The following TCF12 variants were observed in gnomAD, a reference collection of about 807,000 sequenced individuals.
The protein encoded by TCF12 is DNA-binding protein HTF4.
In TCF12, 45 loss-of-function variants were observed where a neutral mutation model predicts 86.0. The observed-to-expected ratio is 0.52, with a 90% CI of 0.41 to 0.67. The LOEUF (loss-of-function observed/expected upper bound fraction) is 0.67. Among genes scored for constraint, TCF12 ranks in the 30% least tolerant of loss-of-function variants. The probability of loss-of-function intolerance (pLI) is 0.00; values close to 1 mark genes in which losing one functional copy is unlikely to be tolerated. For synonymous variants in TCF12, 330 were observed against 299.6 expected, an observed-to-expected ratio of 1.10 and a Z score of -1.05; for missense variants, 881 against 859.9, an observed-to-expected ratio of 1.02 and a Z score of -0.31.
intron 13 of TCF12, chr15:57,247,987 A>C: frequency 5.5e-6 from 4 of 722,870 alleles, no homozygotes; most frequent in East Asian, 2.6e-5. Flanking sequence ...CTCCCCCACC[A>C]CCCCACCCCC....
At chr15:57,130,592 C>T (rs916498986) in intron 5 of TCF12, among the ~76,000 whole-genome samples, 8 of 152,078 alleles carry the variant, frequency 5.3e-5, no homozygotes, top group East Asian at 1.9e-4. Context: ...AGAAGAGAGC[C>T]GTCAATTTTC....
intron 3 of TCF12, among the ~76,000 whole-genome samples, chr15:57,025,338 C>T (rs1157313802): frequency 6.6e-6 from 1 of 152,154 alleles, no homozygotes; most frequent in East Asian, 1.9e-4. Context: ...CTCAGCCTTG[C>T]AAAAGTGCTG....
chr15:57,233,477 C>G (rs2059252860), intron 11 of TCF12, among the ~76,000 whole-genome samples: 1 of 152,022 alleles, frequency 6.6e-6, no homozygotes, highest in Non-Finnish European at 1.5e-5. Context: ...CACACGTGGC[C>G]TCTTTTTTTA....
chr15:57,248,946 GAACGTAA>G (rs1178797131), intron 13 of TCF12, among the ~76,000 whole-genome samples: 3 of 152,176 alleles, frequency 2.0e-5, no homozygotes, highest in African/African-American at 7.2e-5. Flanking sequence ...TGAGGCATTT[GAACGTAA>G]AACGTGTTAA....
At chr15:57,024,802 T>C (rs1793122267) in intron 3 of TCF12, among the ~76,000 whole-genome samples, 1 of 152,154 alleles carries the variant, frequency 6.6e-6, no homozygotes. Flanking sequence ...AAAAGAACCA[T>C]GCACATTCGT....
intron 3 of TCF12, among the ~76,000 whole-genome samples, chr15:56,998,087 A>G (rs1342802042): frequency 6.6e-6 from 1 of 152,242 alleles, no homozygotes; most frequent in Non-Finnish European, 1.5e-5. Flanking sequence ...AGGGAATTCA[A>G]TAATTATAAT....
In TCF12 at chr15:56,940,498, TC is replaced by T. The variant is rs1472798342; in HGVS notation, c.148+19402del. ...CTTCTTCTCCTCCTCCTCCTCCTCC[TC>T]CTTCTTCTTCTCCTCCTCCTCCTTC... On this transcript the variant is annotated intron_variant, in intron 3 of 20. Coordinates refer to ENST00000333725, the MANE Select transcript of TCF12 (RefSeq NM_207037.2). Among the ~76,000 whole-genome samples the T allele has an allele frequency of 5.4e-3, 542 of 101,282 alleles. 2 individuals are homozygous for T. The highest frequency in any genetic ancestry group is 0.013 in the Middle Eastern group (2 of 160). The allele number at this position is 101,282 out of a possible 152,430, so 66.4% of individuals were successfully genotyped here.
At chr15:57,264,723 C>A (rs1251890823) in intron 18 of TCF12, among the ~76,000 whole-genome samples, 2 of 151,968 alleles carry the variant, frequency 1.3e-5, no homozygotes, top group African/African-American at 4.8e-5. Context: ...GGTAACAAAG[C>A]CTTCTTCTGG....
intron 3 of TCF12, among the ~76,000 whole-genome samples, chr15:56,924,019 T>C (rs1165390834): frequency 6.6e-6 from 1 of 152,118 alleles, no homozygotes; most frequent in African/African-American, 2.4e-5. Flanking sequence ...ACTGATCTTT[T>C]TTTGTGGGGC....
rs1171748702 is a variant in TCF12, at chr15:57,273,102, C to T, written c.1818C>T (p.Asn606=). The part of the protein sequence containing the change: ...IEREKERRMA[N]NARERLRVRD... The stretch of plus-strand genomic sequence containing the variant: ...GGGAGAAGGAGAGGCGGATGGCTAA[C>T]AATGCCAGAGAACGCTTACGCGTGC... The change falls in exon 19 of 21, where the codon AAC becomes AAT. Residue 606 remains asparagine (N), a synonymous_variant. Coordinates refer to ENST00000333725, the MANE Select transcript of TCF12 (RefSeq NM_207037.2). 3.1e-6 allele frequency: 5 copies of T among 1,614,106 alleles called. No individual in the cohort carries two copies. The highest frequency in any genetic ancestry group is 4.2e-6 in the Non-Finnish European group (5 of 1,180,042).
intron 3 of TCF12, among the ~76,000 whole-genome samples, chr15:57,024,216 C>CTTTTTTTTTTTTTTTTTTTTTT (rs59793819): frequency 1.5e-4 from 17 of 111,284 alleles, no homozygotes; most frequent in African/African-American, 5.3e-4. Context: ...AAAAAAGTGT[C>CTTTTTTTTTTTTTTTTTTTTTT]TTTTTTTTTT....
At chr15:57,195,666 T>A (rs1232584145) in intron 7 of TCF12, among the ~76,000 whole-genome samples, 3 of 152,230 alleles carry the variant, frequency 2.0e-5, no homozygotes, top group Non-Finnish European at 2.9e-5. Context: ...CTTTGCAGCC[T>A]CCTGGGATAT....
chr15:57,103,701 G>A (rs2049918717), intron 5 of TCF12, among the ~76,000 whole-genome samples: 1 of 152,012 alleles, frequency 6.6e-6, no homozygotes, highest in African/African-American at 2.4e-5. Context: ...ACCCAATATG[G>A]GACTAATTAA....
intron 5 of TCF12, among the ~76,000 whole-genome samples, chr15:57,148,462 A>C (rs1320484630): frequency 6.6e-6 from 1 of 152,048 alleles, no homozygotes; most frequent in African/African-American, 2.4e-5. Context: ...ATGCTGTGAC[A>C]AAAGAACAAT....
chr15:57,208,389 T>TTTTTTTTTTTG, intron 8 of TCF12, among the ~76,000 whole-genome samples: 1 of 108,132 alleles, frequency 9.2e-6, no homozygotes, highest in African/African-American at 4.0e-5. Flanking sequence ...CCTTTTTTTT[T>TTTTTTTTTTTG]TTTTTTTTTT....
At position 57,259,090 on chromosome 15, in the gene TCF12, TA is replaced by T. The variant is rs539542963; in HGVS notation, c.1468-3003del. On this transcript the variant is annotated intron_variant, in intron 16 of 20. Transcript: ENST00000333725. Reference sequence around the variant, plus strand: ...CTAAATGGGCAATTTTTTAAATTTTTATTTTTATTAAGACGACATTATAGTG... The same window carrying T: ...CTAAATGGGCAATTTTTTAAATTTTTTTTTTATTAAGACGACATTATAGTG... Among the ~76,000 whole-genome samples the T allele has an allele frequency of 5.3e-5, 8 of 152,308 alleles. No homozygotes were observed. In the South Asian group the frequency reaches 1.7e-3, roughly 32 times the overall value.
At chr15:57,198,499 G>A (rs1298153096) in intron 8 of TCF12, among the ~76,000 whole-genome samples, 1 of 152,168 alleles carries the variant, frequency 6.6e-6, no homozygotes, top group Non-Finnish European at 1.5e-5. Context: ...ATCATTAATG[G>A]CCATGATAAT....
Position 57,063,732 on chromosome 15 carries a change from A to C in TCF12, c.149-18A>C. The C allele has an allele frequency of 6.3e-7, 1 of 1,587,902 alleles. No individual in the cohort carries two copies. Among genetic ancestry groups the C allele is most frequent in the African/African-American group, 1.3e-5 (1 of 74,640 alleles). On this transcript the variant is annotated intron_variant, in intron 3 of 20. Coordinates refer to ENST00000333725, the MANE Select transcript of TCF12 (RefSeq NM_207037.2). ...AAGTATGTTTTTAGATATATCTTTTATTTTCTTCTCTTTTTAGGTATTGAT... is the reference window on the plus strand; with the variant it reads ...AAGTATGTTTTTAGATATATCTTTTCTTTTCTTCTCTTTTTAGGTATTGAT...
At chr15:56,949,302 G>A (rs558555840) in intron 3 of TCF12, among the ~76,000 whole-genome samples, 161 of 152,178 alleles carry the variant, frequency 1.1e-3, no homozygotes, top group African/African-American at 3.7e-3. Context: ...GTTACCAAAA[G>A]CATGACAGTC....
Sources: allele counts gnomAD v4.1 joint callset (sites outside exome capture counted in the v4.1 genomes callset), GRCh38; gene constraint gnomAD v4.1.1; transcripts MANE v1.5; gene names NCBI Gene and HGNC (gene_info 2026-07-23, HGNC 2026-07-21).